The following MAGI1 variants were observed in gnomAD, a reference collection of about 807,000 sequenced individuals.
MAGI1 encodes membrane-associated guanylate kinase, WW and PDZ domain-containing protein 1.
In MAGI1, 58 loss-of-function variants were observed where a neutral mutation model predicts 139.9. The observed-to-expected ratio is 0.41, with a 90% CI of 0.34 to 0.52. MAGI1 has a LOEUF of 0.52. Ranked by LOEUF, MAGI1 falls within the 20% of genes least tolerant of loss-of-function variation. The pLI, the probability that MAGI1 is intolerant of heterozygous loss-of-function variation, is 0.12. For synonymous variants in MAGI1, 812 were observed against 737.9 expected (o/e 1.10, Z -1.63); for missense variants, 1,874 against 1,901.6 (o/e 0.99, Z 0.27).
chr3:65,908,292 CAATAATCCTTAAT>C lies in MAGI1; in HGVS notation c.313+129691_313+129703del, dbSNP rs1398359235. Among the ~76,000 whole-genome samples, 59 of 151,960 alleles carry C rather than the reference CAATAATCCTTAAT, an allele frequency of 3.9e-4. 1 individual carries two copies. Among genetic ancestry groups the C allele is most frequent in the Non-Finnish European group, 5.1e-4 (35 of 67,986 alleles). On this transcript the variant is annotated intron_variant, in intron 1 of 22. Transcript: ENST00000402939. ...CTCTTCTCTCTGCCAATACTGTCCA[CAATAATCCTTAAT>C]TTTTTTTTTTTTAATCGAGACAGAG...
intron 1 of MAGI1, among the ~76,000 whole-genome samples, chr3:65,730,142 C>A (rs749541755): frequency 6.6e-6 from 1 of 152,168 alleles, no homozygotes; most frequent in Non-Finnish European, 1.5e-5. Context: ...TCCATTACAT[C>A]ATTTGCCTTT....
chr3:65,639,200 T>C (rs911059143), intron 1 of MAGI1, among the ~76,000 whole-genome samples: 3 of 152,242 alleles, frequency 2.0e-5, no homozygotes, highest in African/African-American at 7.2e-5. Context: ...AGGCCCCTTA[T>C]ATATCCCTCA....
chr3:65,410,695 T>C (rs940297507), intron 12 of MAGI1, among the ~76,000 whole-genome samples: 3 of 152,182 alleles, frequency 2.0e-5, no homozygotes, highest in East Asian at 1.9e-4. Context: ...CCGAAGAGTG[T>C]ATGCACAGTC....
At chr3:65,967,582 C>T (rs761070411) in intron 1 of MAGI1, among the ~76,000 whole-genome samples, 10 of 152,174 alleles carry the variant, frequency 6.6e-5, no homozygotes, top group Non-Finnish European at 1.5e-4. Context: ...GGGTCCTCTG[C>T]CAGCTAAGCT....
intron 1 of MAGI1, among the ~76,000 whole-genome samples, chr3:65,843,384 T>C (rs1350860589): frequency 6.6e-6 from 1 of 152,200 alleles, no homozygotes; most frequent in Non-Finnish European, 1.5e-5. Flanking sequence ...AGTCTGACTG[T>C]ATCTTCATAA....
chr3:65,975,330 C>T (rs897464911), intron 1 of MAGI1, among the ~76,000 whole-genome samples: 7 of 152,170 alleles, frequency 4.6e-5, no homozygotes, highest in African/African-American at 1.4e-4. Flanking sequence ...AGAATTTAGA[C>T]CACAAAATAA....
At chr3:65,801,128 T>A (rs1404433751) in intron 1 of MAGI1, among the ~76,000 whole-genome samples, 2 of 152,210 alleles carry the variant, frequency 1.3e-5, no homozygotes, top group East Asian at 3.8e-4. Flanking sequence ...GGTAAAACTC[T>A]TCTTGGGCAA....
At position 65,930,315 on chromosome 3, in the gene MAGI1, C is replaced by CAAAAAA. The variant is rs58258730; in HGVS notation, c.313+107675_313+107680dup. Among the ~76,000 whole-genome samples, 485 of 87,604 alleles carry CAAAAAA rather than the reference C, an allele frequency of 5.5e-3. 24 individuals carry two copies. Among genetic ancestry groups the CAAAAAA allele is most frequent in the Non-Finnish European group, 6.7e-3 (296 of 44,178 alleles). 57.5% of individuals were successfully genotyped at this position (87,604 alleles called of 152,430 possible). On this transcript the variant is annotated intron_variant, in intron 1 of 22. Transcript: ENST00000402939. ...TGGGCGAAAGAGCAAGACTCCGTCT[C>CAAAAAA]AAAAAAAAAAAAAAAAAAAAAAAAA...
chr3:65,957,520 C>CAAAAAAAA (rs761240940), intron 1 of MAGI1, among the ~76,000 whole-genome samples: 4 of 31,040 alleles, frequency 1.3e-4, no homozygotes, highest in African/African-American at 3.4e-4. Context: ...GACTTCATCT[C>CAAAAAAAA]AAAAAAAAAA....
Position 66,038,192 on chromosome 3 carries a change from C to T in MAGI1, c.117G>A (p.Gly39=), listed in dbSNP as rs371444849. 7 of 1,612,214 alleles carry T rather than the reference C, an allele frequency of 4.3e-6. No individual in the cohort carries two copies. The highest frequency in any genetic ancestry group is 2.2e-5 in the South Asian group (2 of 91,032). Residue 39 remains glycine, a synonymous_variant, in exon 1 of 23, where the codon GGG becomes GGA. Coordinates refer to ENST00000402939, the MANE Select transcript of MAGI1 (RefSeq NM_001033057.2). ...CCACCGCTCCGACGTACGGAAACTC[C>T]CCGTGCTCCGCGCCTCCCAGCACCG... ...GVTVLGGAEH[G]EFPYVGAVAA... is the part of the protein sequence containing the mutation.
chr3:65,440,311 T>G (rs1376173787), intron 8 of MAGI1, among the ~76,000 whole-genome samples: 2 of 152,124 alleles, frequency 1.3e-5, no homozygotes, highest in East Asian at 3.9e-4. Flanking sequence ...AAAGTAAGTG[T>G]CTGGGCAGTT....
At chr3:65,735,333 C>T (rs2034621911) in intron 1 of MAGI1, among the ~76,000 whole-genome samples, 1 of 140,764 alleles carries the variant, frequency 7.1e-6, no homozygotes, top group Non-Finnish European at 1.5e-5. Context: ...TGGATAAAGC[C>T]TGTTTTTAAA....
Position 65,437,249 on chromosome 3 carries a change from T to C in MAGI1, c.1271-2A>G, listed in dbSNP as rs1394753752. The C allele has an allele frequency of 3.1e-6, 5 of 1,595,664 alleles. No individual in the cohort carries two copies. Among genetic ancestry groups the C allele is most frequent in the Non-Finnish European group, 4.3e-6 (5 of 1,165,464 alleles). ...GGGCTGAGTGATCTTCTGTCCATTC[T>C]ATGAAAAAGAAAAGAAAGTTTCCTA... On this transcript the variant is annotated splice_acceptor_variant, in intron 9 of 22. Transcript: ENST00000402939. LOFTEE classifies it high-confidence loss of function.
chr3:65,358,760 A>G (rs560979695), intron 22 of MAGI1, among the ~76,000 whole-genome samples: 2 of 152,192 alleles, frequency 1.3e-5, no homozygotes, highest in Non-Finnish European at 2.9e-5. Flanking sequence ...ACAGGGCTCC[A>G]TGAAACAAGG....
At chr3:65,941,562 A>C (rs1247661749) in intron 1 of MAGI1, among the ~76,000 whole-genome samples, 1 of 152,030 alleles carries the variant, frequency 6.6e-6, no homozygotes, top group Non-Finnish European at 1.5e-5. Flanking sequence ...GACAACCAAA[A>C]ATAAGTCTAG....
At chr3:65,469,654 CTG>C (rs1489808478) in intron 5 of MAGI1, 2 of 151,782 alleles carry the variant, frequency 1.3e-5, no homozygotes, top group African/African-American at 4.8e-5. Flanking sequence ...ATTTACGACT[CTG>C]TGTTAGGCAA....
intron 2 of MAGI1, among the ~76,000 whole-genome samples, chr3:65,570,534 A>G (rs1052691213): frequency 7.2e-5 from 11 of 152,218 alleles, no homozygotes; most frequent in Non-Finnish European, 1.6e-4. Flanking sequence ...AATATTAGGA[A>G]TGCCATTTAT....
At chr3:65,554,455 T>TA in intron 2 of MAGI1, among the ~76,000 whole-genome samples, 1 of 152,130 alleles carries the variant, frequency 6.6e-6, no homozygotes, top group African/African-American at 2.4e-5. Context: ...AAGACCTTCT[T>TA]ACTTTCTTAC....
At chr3:65,531,003 T>A (rs1034597793) in intron 2 of MAGI1, among the ~76,000 whole-genome samples, 3 of 151,674 alleles carry the variant, frequency 2.0e-5, no homozygotes, top group Middle Eastern at 3.4e-3. Flanking sequence ...ATAATCCCCA[T>A]GCTTTGAAGT....
Sources: allele counts gnomAD v4.1 joint callset (sites outside exome capture counted in the v4.1 genomes callset), GRCh38; gene constraint gnomAD v4.1.1; transcripts MANE v1.5; gene names NCBI Gene and HGNC (gene_info 2026-07-23, HGNC 2026-07-21).